Variants in CCDC3 observed in about 807,000 individuals in gnomAD.
The protein encoded by CCDC3 is coiled-coil domain containing 3, also known as coiled-coil domain-containing protein 3.
In CCDC3, 24 loss-of-function variants were observed where a neutral mutation model predicts 21.4. The ratio of observed to expected loss-of-function variants is 1.12; its 90% confidence interval spans 0.81 to 1.58. The LOEUF (loss-of-function observed/expected upper bound fraction) is 1.58, where lower values mean the gene tolerates loss of function less well. Ranked by LOEUF, CCDC3 falls within the 40% of genes most tolerant of loss-of-function variation. The probability of loss-of-function intolerance (pLI) is 0.00; values close to 1 mark genes in which losing one functional copy is unlikely to be tolerated. For synonymous variants in CCDC3, 186 were observed against 166.0 expected, an observed-to-expected ratio of 1.12 and a Z score of -0.93; for missense variants, 425 against 360.9, an observed-to-expected ratio of 1.18 and a Z score of -1.44.
intron 5 of CCDC3, among the ~76,000 whole-genome samples, chr10:13,043,597 A>T (rs1274176245): frequency 6.6e-6 from 1 of 152,134 alleles, no homozygotes. Context: ...TTGTCTCAAA[A>T]AATAAAATAA....
At chr10:13,047,857 G>C (rs1836548790) in intron 5 of CCDC3, among the ~76,000 whole-genome samples, 1 of 152,138 alleles carries the variant, frequency 6.6e-6, no homozygotes, top group South Asian at 2.1e-4. Flanking sequence ...TTAGGGACGC[G>C]CCGGAAGAAA....
chr10:13,065,369 T>C (rs1564337717), intron 4 of CCDC3, among the ~76,000 whole-genome samples: 1 of 152,138 alleles, frequency 6.6e-6, no homozygotes, highest in African/African-American at 2.4e-5. Context: ...CTACTATTGA[T>C]CAACTTATTA....
At chr10:13,038,020 G>C (rs1353389945) in intron 5 of CCDC3, among the ~76,000 whole-genome samples, 1 of 152,144 alleles carries the variant, frequency 6.6e-6, no homozygotes, top group African/African-American at 2.4e-5. Flanking sequence ...TGGTACCATG[G>C]AATAATATGC....
chr10:13,098,370 G>A (rs931313321), intron 3 of CCDC3, among the ~76,000 whole-genome samples: 4 of 152,124 alleles, frequency 2.6e-5, no homozygotes, highest in East Asian at 3.9e-4. Context: ...CTGGAGTGCA[G>A]TGCTGCAATC....
chr10:13,064,955 G>A (rs536836412), intron 4 of CCDC3, among the ~76,000 whole-genome samples: 3 of 152,134 alleles, frequency 2.0e-5, no homozygotes, highest in Admixed American at 2.0e-4. Context: ...CATTTATCTC[G>A]GTGAGCAGAG....
chr10:12,963,460 T>C (rs1293659793), intron 2 of CCDC3, among the ~76,000 whole-genome samples: 2 of 152,202 alleles, frequency 1.3e-5, no homozygotes, highest in African/African-American at 4.8e-5. Flanking sequence ...GAGTTTCATA[T>C]ATACTAACAC....
At chr10:12,997,110 A>C (rs997503309) in intron 2 of CCDC3, among the ~76,000 whole-genome samples, 2 of 152,082 alleles carry the variant, frequency 1.3e-5, no homozygotes, top group African/African-American at 4.8e-5. Flanking sequence ...AAAAGACAAT[A>C]AGGGGATTCG....
intron 2 of CCDC3, among the ~76,000 whole-genome samples, chr10:12,964,307 G>T (rs931769129): frequency 6.6e-6 from 1 of 151,962 alleles, no homozygotes; most frequent in Non-Finnish European, 1.5e-5. Context: ...GGGAGGCAGA[G>T]GTTGCAGTGA....
chr10:12,897,288 C>A lies in CCDC3; in HGVS notation c.*1128G>T, dbSNP rs1439939845. On this transcript the variant is annotated 3_prime_UTR_variant, in exon 3 of 3. Transcript: ENST00000378825. Reference sequence around the variant, plus strand: ...GAGCAATAAGTCTAGTGAATACTCTCATTTTTACTTATAGTAGTGTCTTAA... The same window carrying A: ...GAGCAATAAGTCTAGTGAATACTCTAATTTTTACTTATAGTAGTGTCTTAA... 4 of 152,244 alleles carry A rather than the reference C, an allele frequency of 2.6e-5. No individual in the cohort carries two copies. The highest frequency in any genetic ancestry group is 9.6e-5 in the African/African-American group (4 of 41,458). 9.4% of individuals were successfully genotyped at this position (152,244 alleles called of 1,614,324 possible). A position where few individuals can be genotyped will look rare whatever the true frequency, so the allele number is the denominator to read the frequency against.
intron 2 of CCDC3, among the ~76,000 whole-genome samples, chr10:12,983,121 TA>T (rs1835527915): frequency 9.5e-6 from 1 of 105,722 alleles, no homozygotes; most frequent in Non-Finnish European, 1.8e-5. Context: ...AATAAATAAA[TA>T]AAATAGTGTA....
intron 2 of CCDC3, among the ~76,000 whole-genome samples, chr10:12,924,030 T>G (rs1834495813): frequency 6.6e-6 from 1 of 152,242 alleles, no homozygotes; most frequent in African/African-American, 2.4e-5. Context: ...AGCCCAGTTT[T>G]GTGCCTTAAA....
chr10:12,905,663 A>G (rs1834160274), intron 2 of CCDC3, among the ~76,000 whole-genome samples: 1 of 152,150 alleles, frequency 6.6e-6, no homozygotes, highest in Admixed American at 6.5e-5. Context: ...CTCCATCTCA[A>G]TGTACTGCAG....
intron 4 of CCDC3, among the ~76,000 whole-genome samples, chr10:13,069,394 C>G (rs116390638): frequency 0.012 from 1,753 of 152,328 alleles, 39 homozygotes; most frequent in African/African-American, 0.04. Flanking sequence ...AGGCATTAAT[C>G]TGCTCTTTAG....
chr10:12,992,337 T>G (rs1009187094), intron 2 of CCDC3, among the ~76,000 whole-genome samples: 2 of 152,094 alleles, frequency 1.3e-5, no homozygotes, highest in African/African-American at 4.8e-5. Context: ...TGCAGTGAGC[T>G]GAGATTGCGC....
intron 2 of CCDC3, among the ~76,000 whole-genome samples, chr10:12,946,416 C>A (rs989797667): frequency 3.3e-5 from 5 of 152,114 alleles, no homozygotes; most frequent in Non-Finnish European, 7.4e-5. Flanking sequence ...AAACTGAAAA[C>A]TAACTAACTT....
intron 5 of CCDC3, among the ~76,000 whole-genome samples, chr10:13,035,720 T>C (rs1836369525): frequency 6.6e-6 from 1 of 152,214 alleles, no homozygotes. Flanking sequence ...GCTACTTGAC[T>C]TAAGCTGTCC....
chr10:13,048,252 C>T (rs78140860), intron 5 of CCDC3, among the ~76,000 whole-genome samples: 9 of 151,956 alleles, frequency 5.9e-5, no homozygotes, highest in African/African-American at 1.2e-4. Context: ...AGTGCAGTGG[C>T]GCGATCTCAG....
chr10:13,023,423 G>T (rs916630725), intron 5 of CCDC3, among the ~76,000 whole-genome samples: 2 of 152,092 alleles, frequency 1.3e-5, no homozygotes, highest in African/African-American at 2.4e-5. Context: ...AAGGTTTTCT[G>T]GGGTTTCAGT....
At chr10:13,064,496 G>A (rs1003945412) in intron 4 of CCDC3, among the ~76,000 whole-genome samples, 1 of 152,130 alleles carries the variant, frequency 6.6e-6, no homozygotes. Context: ...AGATCCTCAC[G>A]ACATGTGCCC....
Sources: gnomAD v4.1 joint callset for allele counts (sites outside exome capture counted in the v4.1 genomes callset) on GRCh38, gnomAD v4.1.1 for gene constraint, MANE v1.5 for transcripts, NCBI Gene and HGNC (gene_info 2026-07-23, HGNC 2026-07-21) for gene names.